ASPM: variants seen among roughly 807,000 people sequenced by gnomAD.
ASPM encodes the protein assembly factor for spindle microtubules.
In ASPM, 256 loss-of-function variants were observed where a neutral mutation model predicts 366.4. That is an observed-to-expected ratio of 0.70 (90% confidence interval 0.63 to 0.77). ASPM has a LOEUF of 0.77. Ranked by LOEUF, ASPM falls within the 30% of genes least tolerant of loss-of-function variation. The pLI, the probability that ASPM is intolerant of heterozygous loss-of-function variation, is 0.00. For missense variants in ASPM, 4,146 were observed against 4,090.4 expected (o/e 1.01, Z -0.37); for synonymous variants, 1,414 against 1,342.9 (o/e 1.05, Z -1.16).
chr1:197,114,253 A>G (rs1259753838), intron 17 of ASPM, among the ~76,000 whole-genome samples: 1 of 152,242 alleles, frequency 6.6e-6, no homozygotes, highest in African/African-American at 2.4e-5. Context: ...AAATTGCTAA[A>G]AAATGCTAAG....
At chr1:197,124,400 C>A in intron 12 of ASPM, 69 bp from the exon 13 acceptor site, 1 of 1,108,172 alleles carries the variant, frequency 9.0e-7, no homozygotes. Context: ...CCACAGAAAT[C>A]AAAGTAACTG....
In ASPM at chr1:197,129,952, C is replaced by T. The variant is rs769421796; in HGVS notation, c.2592G>A (p.Glu864=). The T allele has an allele frequency of 3.7e-6, 6 of 1,613,982 alleles. No individual in the cohort carries two copies. Among genetic ancestry groups the T allele is most frequent in the South Asian group, 1.1e-5 (1 of 91,080 alleles). Residue 864 remains glutamate, a synonymous_variant, in exon 8 of 28, where the codon GAG becomes GAA. Transcript: ENST00000367409. The stretch of plus-strand genomic sequence containing the variant: ...GGTGAGGAACAGTGGGGTGTCTATA[C>T]TCAGCTGCTATATCAGGATTCCAAA... The part of the protein sequence containing the change: ...RLLWNPDIAA[E]YRHPTVPHLY...
At position 197,103,218 on chromosome 1, in the gene ASPM, T is replaced by C. The variant is rs747041202; in HGVS notation, c.6033A>G (p.Arg2011=). ...TTTTCAAATATAAATGATTCTGTTCTCTTCCAATACTGTAAGCCCTATAAT... is the reference window on the plus strand; with the variant it reads ...TTTTCAAATATAAATGATTCTGTTCCCTTCCAATACTGTAAGCCCTATAAT... ...QKYYRAYSIG[R]EQNHLYLKTK... is the part of the protein sequence containing the mutation. Residue 2011 remains arginine, a synonymous_variant, in exon 18 of 28, where the codon AGA becomes AGG. Transcript: ENST00000367409. 6.2e-6 allele frequency: 10 copies of C among 1,612,768 alleles called. No homozygotes were observed. The highest frequency in any genetic ancestry group is 1.7e-5 in the Admixed American group (1 of 59,774).
At chr1:197,144,208 A>C in intron 1 of ASPM, 108 bp from the exon 2 acceptor site, 1 of 734,028 alleles carries the variant, frequency 1.4e-6, no homozygotes, top group Non-Finnish European at 2.3e-6. Flanking sequence ...GTTAACCAAC[A>C]CTCTATATAC....
intron 17 of ASPM, among the ~76,000 whole-genome samples, chr1:197,108,546 C>G (rs1557949798): frequency 6.6e-6 from 1 of 151,878 alleles, no homozygotes; most frequent in Non-Finnish European, 1.5e-5. Context: ...ACCCAGGCAT[C>G]AAAAGGATAT....
At chr1:197,097,145 C>T (rs887327912) in intron 18 of ASPM, among the ~76,000 whole-genome samples, 1 of 151,714 alleles carries the variant, frequency 6.6e-6, no homozygotes, top group Non-Finnish European at 1.5e-5. Flanking sequence ...GGCTAGTGAG[C>T]CTTATCTCTC....
In ASPM at chr1:197,091,943, A is replaced by T; in HGVS notation, c.9408T>A (p.Asn3136Lys). 4.3e-6 allele frequency: 7 copies of T among 1,611,260 alleles called. No individual in the cohort carries two copies. Among genetic ancestry groups the T allele is most frequent in the Non-Finnish European group, 5.9e-6 (7 of 1,178,784 alleles). Residue 3136 changes from asparagine (N) to lysine (K), a missense_variant, in exon 22 of 28, where the codon AAT becomes AAA. Transcript: ENST00000367409. Reference sequence around the variant, plus strand: ...TGACTGAATTAACCTGCTTGTTAGCATTCTTCACAGCCAGGTAAAGTTTAT... The same window carrying T: ...TGACTGAATTAACCTGCTTGTTAGCTTTCTTCACAGCCAGGTAAAGTTTAT... Reference protein sequence around the residue: ...RAYKLYLAVKNANKQVNSVIC... With the variant: ...RAYKLYLAVKKANKQVNSVIC...
rs781196493 is a variant in ASPM at position 197,129,181 on chromosome 1, G to A, written c.2760+6C>T. On this transcript the variant is annotated splice_donor_region_variant and intron_variant, in intron 9 of 27. Transcript: ENST00000367409. ...TAAAATATAAAGCATACAATGAAAA[G>A]CATACCTTGAATTCGGCATCTTTAC... 2 of 1,611,134 alleles carry A rather than the reference G, an allele frequency of 1.2e-6. No homozygotes were observed. The highest frequency in any genetic ancestry group is 1.1e-5 in the South Asian group (1 of 90,794).
At chr1:197,106,351 T>C (rs2125097427) in intron 17 of ASPM, among the ~76,000 whole-genome samples, 1 of 152,200 alleles carries the variant, frequency 6.6e-6, no homozygotes, top group East Asian at 1.9e-4. Context: ...AACTTATTTG[T>C]ACAAAAGTAT....
chr1:197,132,739 CAAAT>C (rs1181451094), intron 6 of ASPM, among the ~76,000 whole-genome samples: 1 of 148,856 alleles, frequency 6.7e-6, no homozygotes, highest in African/African-American at 2.5e-5. Flanking sequence ...CGTATATATA[CAAAT>C]AAATATATAT....
At chr1:197,131,820 A>G (rs1658263497) in intron 7 of ASPM, among the ~76,000 whole-genome samples, 2 of 151,846 alleles carry the variant, frequency 1.3e-5, no homozygotes, top group Non-Finnish European at 2.9e-5. Flanking sequence ...CAGTCTCCCA[A>G]AGTGCTCGGA....
chr1:197,110,629 G>A (rs554463101), intron 17 of ASPM, among the ~76,000 whole-genome samples: 1 of 152,004 alleles, frequency 6.6e-6, no homozygotes, highest in East Asian at 1.9e-4. Context: ...TAACAAAGAA[G>A]GAGGATTACC....
Position 197,143,482 on chromosome 1 carries a change from T to G in ASPM, c.770A>C (p.Glu257Ala). 1 of 1,614,028 alleles carries G rather than the reference T, an allele frequency of 6.2e-7. No individual in the cohort carries two copies. The highest frequency in any genetic ancestry group is 1.1e-5 in the South Asian group (1 of 91,086). Residue 257 changes from glutamate to alanine, a missense_variant, in exon 3 of 28, where the codon GAA (glutamate) becomes GCA (alanine). Physicochemically the swap from Glu to Ala is moderately radical, Grantham distance 107 (BLOSUM62 -1). This residue lies in a region of ASPM where 512 missense variants were observed against 471.7 expected (regional missense o/e 1.09). Coordinates refer to ENST00000367409, the MANE Select transcript of ASPM (RefSeq NM_018136.5). ...YSSLHASENR[E>A]LLNVHSANVS... ...GTTGGCACTGTGTACATTTAATAGT[T>G]CCCTATTTTCTGATGCATGAAGAGA... is the stretch of plus-strand genomic sequence containing the variant.
chr1:197,129,702 G>C lies in ASPM; in HGVS notation c.2629+213C>G, dbSNP rs528251891. Among the ~76,000 whole-genome samples, 75 of 152,244 alleles carry C rather than the reference G, an allele frequency of 4.9e-4. No homozygotes were observed. The Middle Eastern group carries it at 0.014, about 28-fold the overall frequency. On this transcript the variant is annotated intron_variant, in intron 8 of 27. Coordinates refer to ENST00000367409, the MANE Select transcript of ASPM (RefSeq NM_018136.5). The stretch of plus-strand genomic sequence containing the variant: ...CCCCATAGGACTTACAACCTACTGG[G>C]GGGAGAGGATGGGTAGAGACAACAG...
At chr1:197,136,280 A>C (rs1658418047) in intron 4 of ASPM, among the ~76,000 whole-genome samples, 1 of 152,240 alleles carries the variant, frequency 6.6e-6, no homozygotes, top group Non-Finnish European at 1.5e-5. Context: ...CTAGGCAGTA[A>C]CTATATAAGT....
intron 20 of ASPM, among the ~76,000 whole-genome samples, 190 bp downstream of exon 20, chr1:197,093,889 AATAGT>A (rs1265025325): frequency 1.3e-5 from 2 of 151,894 alleles, no homozygotes; most frequent in African/African-American, 2.4e-5. Context: ...AAAACTAGCA[AATAGT>A]ATTTTTATGG....
Position 197,104,210 on chromosome 1 carries a change from C to A in ASPM, c.5041G>T (p.Ala1681Ser), listed in dbSNP as rs749889567. The change falls in exon 18 of 28, where the codon GCT becomes TCT. Residue 1681 changes from alanine to serine, a missense_variant. Ala to Ser is a moderately conservative substitution (Grantham distance 99). Around this residue, in one of 3 missense-constraint regions of ASPM, gnomAD observed 3,624 missense variants for 3,591.7 expected, o/e 1.01. Transcript: ENST00000367409. The part of the protein sequence containing the change: ...SKKEFLSLKN[A>S]TIKLQSTVKM... ...ACAGTTGACTGCAATTTTATTGTAG[C>A]ATTTTTTAGGCTCAAAAATTCCTTT... is the stretch of plus-strand genomic sequence containing the variant. 6.2e-7 allele frequency: 1 copy of A among 1,612,390 alleles called. No homozygotes were observed. The highest frequency in any genetic ancestry group is 1.7e-5 in the Admixed American group (1 of 59,728).
chr1:197,146,222 C>G lies in ASPM; in HGVS notation c.216G>C (p.Glu72Asp), dbSNP rs777341980. ...TLSLALDNPN[E>D]EVAEVKISHF... ...GGGAGATCTTCACTTCTGCCACCTC[C>G]TCGTTAGGGTTGTCTAGGGCCAGAG... The change falls in exon 1 of 28, where the codon GAG becomes GAC. Residue 72 changes from glutamate (E) to aspartate (D), a missense_variant. Glu to Asp is a conservative substitution (Grantham distance 45, BLOSUM62 2). Around this residue, in one of 3 missense-constraint regions of ASPM, gnomAD observed 512 missense variants for 471.7 expected, o/e 1.09. Coordinates refer to ENST00000367409, the MANE Select transcript of ASPM (RefSeq NM_018136.5). The G allele has an allele frequency of 1.2e-6, 2 of 1,614,110 alleles. No homozygotes were observed. The highest frequency in any genetic ancestry group is 1.7e-6 in the Non-Finnish European group (2 of 1,180,006).
In ASPM at chr1:197,146,665, A is replaced by C. The variant is rs1658799767; in HGVS notation, c.-228T>G. ...GGAGCCAAACAAGTATGGCGTTTTG[A>C]CTCTGTTTAAACTTGCCGCCTCCAC... is the stretch of plus-strand genomic sequence containing the variant. On this transcript the variant is annotated 5_prime_UTR_variant, in exon 1 of 28. Coordinates refer to ENST00000367409, the MANE Select transcript of ASPM (RefSeq NM_018136.5). 6.8e-6 allele frequency: 4 copies of C among 587,674 alleles called. No homozygotes were observed. Among genetic ancestry groups the C allele is most frequent in the Non-Finnish European group, 1.2e-5 (4 of 334,008 alleles). 36.4% of individuals were successfully genotyped at this position (587,674 alleles called of 1,614,324 possible).
Sources: gnomAD v4.1 joint callset for allele counts (sites outside exome capture counted in the v4.1 genomes callset) on GRCh38, gnomAD v4.1.1 for gene constraint, gnomAD v4.1.1 regional missense constraint, MANE v1.5 for transcripts, NCBI Gene and HGNC (gene_info 2026-07-23, HGNC 2026-07-21) for gene names.